CCSER1: variants seen among roughly 807,000 people sequenced by gnomAD.
CCSER1 encodes serine-rich coiled-coil domain-containing protein 1.
In CCSER1, 41 loss-of-function variants were observed where a neutral mutation model predicts 82.0. The ratio of observed to expected loss-of-function variants is 0.50; its 90% CI spans 0.39 to 0.65. The LOEUF is 0.65. Among genes scored for constraint, CCSER1 ranks in the 30% least tolerant of loss-of-function variants. The probability of loss-of-function intolerance (pLI) is 0.00; values close to 1 mark genes in which losing one functional copy is unlikely to be tolerated. For synonymous variants in CCSER1, 414 were observed against 383.9 expected, an observed-to-expected ratio of 1.08 and a Z score of -0.92; for missense variants, 1,119 against 1,064.2, an observed-to-expected ratio of 1.05 and a Z score of -0.72.
intron 10 of CCSER1, among the ~76,000 whole-genome samples, chr4:91,487,036 T>G (rs1758260158): frequency 6.6e-6 from 1 of 152,256 alleles, no homozygotes; most frequent in East Asian, 1.9e-4. Flanking sequence ...AAGAGGTTAC[T>G]TGTATTTTTA....
rs551601371 is a variant in CCSER1 at position 90,427,078 on chromosome 4, G to T, written c.1603+26949G>T. On this transcript the variant is annotated intron_variant, in intron 4 of 10. Transcript: ENST00000509176. ...CAGCTTCCTTTCTAACCAGATAGTA[G>T]CCAATTTATAAACGTTTAGAGACAA... 2.0e-5 allele frequency among the ~76,000 whole-genome samples: 3 copies of T among 152,090 alleles called. No individual in the cohort carries two copies. The East Asian group carries it at 5.8e-4, about 29-fold the overall frequency.
At chr4:91,346,051 G>A (rs1748031576) in intron 10 of CCSER1, among the ~76,000 whole-genome samples, 1 of 131,184 alleles carries the variant, frequency 7.6e-6, no homozygotes, top group African/African-American at 4.5e-5. Flanking sequence ...TTTTAAGACA[G>A]TCTCACTCTG....
At chr4:90,451,794 A>C (rs1384867378) in intron 4 of CCSER1, among the ~76,000 whole-genome samples, 1 of 152,132 alleles carries the variant, frequency 6.6e-6, no homozygotes, top group Non-Finnish European at 1.5e-5. Context: ...CTGCCAACTT[A>C]TTTCTTTCAG....
chr4:91,311,353 A>C lies in CCSER1; in HGVS notation c.2217+225359A>C, dbSNP rs146391683. Among the ~76,000 whole-genome samples, 582 of 152,022 alleles carry C rather than the reference A, an allele frequency of 3.8e-3. 3 individuals carry two copies. The highest frequency in any genetic ancestry group is 0.014 in the African/African-American group (565 of 41,518). On this transcript the variant is annotated intron_variant, in intron 10 of 10. Coordinates refer to ENST00000509176, the MANE Select transcript of CCSER1 (RefSeq NM_001145065.2). The stretch of plus-strand genomic sequence containing the variant: ...ACTGCTATTGGCAAGAGCTATCAAA[A>C]TTACAATGTTTTTCTCCTGCCAGAA...
chr4:91,153,774 A>T (rs1730509119), intron 10 of CCSER1, among the ~76,000 whole-genome samples: 1 of 151,724 alleles, frequency 6.6e-6, no homozygotes, highest in South Asian at 2.1e-4. Context: ...CTGGAGGTCC[A>T]CTCCAGACCC....
intron 1 of CCSER1, among the ~76,000 whole-genome samples, chr4:90,195,601 A>T (rs989935858): frequency 2.0e-5 from 3 of 152,108 alleles, no homozygotes; most frequent in Admixed American, 1.3e-4. Context: ...GAAATTTCAG[A>T]CTCTGGGTGA....
intron 10 of CCSER1, among the ~76,000 whole-genome samples, chr4:91,181,610 T>C (rs1734037170): frequency 6.6e-6 from 1 of 152,198 alleles, no homozygotes; most frequent in African/African-American, 2.4e-5. Flanking sequence ...TCTCAGATCA[T>C]CTGAACATAG....
intron 5 of CCSER1, among the ~76,000 whole-genome samples, chr4:90,472,902 C>T (rs1002541380): frequency 6.6e-5 from 10 of 152,046 alleles, no homozygotes; most frequent in South Asian, 2.1e-4. Flanking sequence ...TTTTCAGCAA[C>T]GTGGATGGAG....
rs1281464346 is a variant in CCSER1, at chr4:91,599,063, T to C, written c.*6T>C. ...TAGGCCAGCAGGATGGGTAATTAAA[T>C]CACCGTATTCCTGTCTTTGGGTAGG... is the stretch of plus-strand genomic sequence containing the variant. On this transcript the variant is annotated 3_prime_UTR_variant, in exon 11 of 11. Transcript: ENST00000509176. 2.6e-6 allele frequency: 4 copies of C among 1,529,856 alleles called. No homozygotes were observed. The African/African-American group carries it at 5.5e-5, about 21-fold the overall frequency. The allele number at this position is 1,529,856 out of a possible 1,614,324, so 94.8% of individuals were successfully genotyped here. A position where few individuals can be genotyped will look rare whatever the true frequency, so the allele number is the denominator to read the frequency against.
chr4:91,096,664 C>G (rs2148839685), intron 10 of CCSER1, among the ~76,000 whole-genome samples: 1 of 152,276 alleles, frequency 6.6e-6, no homozygotes, highest in Admixed American at 6.5e-5. Context: ...TTCCTGGAGT[C>G]ATAGTGACTC....
intron 5 of CCSER1, among the ~76,000 whole-genome samples, chr4:90,569,549 C>T (rs574767021): frequency 6.6e-6 from 1 of 152,300 alleles, no homozygotes; most frequent in Non-Finnish European, 1.5e-5. Context: ...GCACCACATG[C>T]CCACTGTGGA....
In CCSER1 at chr4:90,634,513, CTGTT is replaced by C. The variant is rs140772351; in HGVS notation, c.1932+6284_1932+6287del. Among the ~76,000 whole-genome samples the C allele has an allele frequency of 5.0e-4, 76 of 151,704 alleles. 1 individual carries two copies. In the East Asian group the frequency reaches 0.012, roughly 24 times the overall value. On this transcript the variant is annotated intron_variant, in intron 6 of 10. Coordinates refer to ENST00000509176, the MANE Select transcript of CCSER1 (RefSeq NM_001145065.2). Reference sequence around the variant, plus strand: ...GTGTTTTCTACTTCATCATTTGTCACTGTTTGGTGGGAATTTTTAAAGAGTTTAT... The same window carrying C: ...GTGTTTTCTACTTCATCATTTGTCACTGGTGGGAATTTTTAAAGAGTTTAT...
Position 91,214,602 on chromosome 4 carries a change from A to G in CCSER1, c.2217+128608A>G, listed in dbSNP as rs61502495. ...TGAGCAGACTCTATTTTTCTTGTTC[A>G]TGTTGAAACAACTCTGGTTAAAACA... On this transcript the variant is annotated intron_variant, in intron 10 of 10. Coordinates refer to ENST00000509176, the MANE Select transcript of CCSER1 (RefSeq NM_001145065.2). Among the ~76,000 whole-genome samples, 588 of 152,262 alleles carry G rather than the reference A, an allele frequency of 3.9e-3. 2 individuals are homozygous for G. Among genetic ancestry groups the G allele is most frequent in the African/African-American group, 0.013 (544 of 41,558 alleles).
intron 9 of CCSER1, among the ~76,000 whole-genome samples, chr4:90,963,809 A>G (rs1286682927): frequency 6.6e-6 from 1 of 152,224 alleles, no homozygotes; most frequent in Non-Finnish European, 1.5e-5. Context: ...GCCTTTAGCA[A>G]ACTAACGTAT....
intron 1 of CCSER1, among the ~76,000 whole-genome samples, chr4:90,180,123 TA>T (rs1560752414): frequency 3.8e-4 from 26 of 68,956 alleles, no homozygotes; most frequent in Admixed American, 1.7e-3. Context: ...TATGTAGTTA[TA>T]TATATATATA....
chr4:90,744,950 T>G (rs963223892), intron 7 of CCSER1, among the ~76,000 whole-genome samples: 1 of 130,060 alleles, frequency 7.7e-6, no homozygotes, highest in South Asian at 2.3e-4. Context: ...TTCATACATT[T>G]TATATATATT....
At chr4:91,033,409 C>G (rs1290007598) in intron 9 of CCSER1, among the ~76,000 whole-genome samples, 1 of 152,122 alleles carries the variant, frequency 6.6e-6, no homozygotes, top group Non-Finnish European at 1.5e-5. Flanking sequence ...TCCCACTTCT[C>G]TCTTCCTTTG....
At chr4:91,582,404 C>CTGAT in intron 10 of CCSER1, among the ~76,000 whole-genome samples, 1 of 151,558 alleles carries the variant, frequency 6.6e-6, no homozygotes, top group South Asian at 2.1e-4. Flanking sequence ...GATTTTTTGC[C>CTGAT]TGATTGAAAT....
intron 1 of CCSER1, among the ~76,000 whole-genome samples, chr4:90,261,084 A>T (rs534357773): frequency 3.0e-4 from 45 of 151,952 alleles, no homozygotes; most frequent in African/African-American, 1.0e-3. Context: ...GGCCATTTAC[A>T]TTCAATGTTA....
Sources: allele counts gnomAD v4.1 joint callset (sites outside exome capture counted in the v4.1 genomes callset), GRCh38; gene constraint gnomAD v4.1.1; transcripts MANE v1.5; gene names NCBI Gene and HGNC (gene_info 2026-07-23, HGNC 2026-07-21).